Variants in TMEM43 observed in about 807,000 individuals in gnomAD.
The protein encoded by TMEM43 is arrhythmogenic right ventricular dysplasia 5.
TMEM43 carries 45 observed loss-of-function variants against 49.6 expected under a neutral mutation model. The ratio of observed to expected loss-of-function variants is 0.91; its 90% confidence interval spans 0.71 to 1.16. TMEM43 has a LOEUF of 1.16. TMEM43 is among the 50% of genes most tolerant of loss of function. TMEM43 has a pLI of 0.00. For synonymous variants in TMEM43, 199 were observed against 207.8 expected (o/e 0.96, Z 0.36); for missense variants, 532 against 516.6 (o/e 1.03, Z -0.29).
chr3:14,138,490 G>T (rs532743478), intron 10 of TMEM43, among the ~76,000 whole-genome samples: 50 of 152,312 alleles, frequency 3.3e-4, no homozygotes, highest in Non-Finnish European at 6.8e-4. Context: ...ATGTGAGTGG[G>T]TGGGTGGGTG....
Position 14,133,721 on chromosome 3 carries a change from G to C in TMEM43, c.513-18G>C. 6.2e-7 allele frequency: 1 copy of C among 1,613,746 alleles called. No homozygotes were observed. Among genetic ancestry groups the C allele is most frequent in the Non-Finnish European group, 8.5e-7 (1 of 1,179,620 alleles). On this transcript the variant is annotated intron_variant, in intron 6 of 11. Transcript: ENST00000306077. ...CCCACACCGGTGCCCATCTCTGACA[G>C]CTTCCTCTCTCCCACAGTGCCATGG...
intron 11 of TMEM43, 51 bp from the exon 12 acceptor site, chr3:14,141,542 C>G (rs766861749): frequency 7.1e-5 from 109 of 1,527,510 alleles, no homozygotes; most frequent in Non-Finnish European, 9.4e-5. Flanking sequence ...ATCTGCTGAG[C>G]TGGTGAGGTG....
chr3:14,130,128 CCTT>C (rs1416583526), intron 2 of TMEM43, among the ~76,000 whole-genome samples: 1 of 149,146 alleles, frequency 6.7e-6, no homozygotes, highest in Non-Finnish European at 1.5e-5. Flanking sequence ...TTCTTTTTCT[CCTT>C]TTTTTTAATA....
Position 14,133,753 on chromosome 3 carries a change from A to G in TMEM43, c.527A>G (p.Glu176Gly). 1.2e-6 allele frequency: 2 copies of G among 1,614,136 alleles called. No homozygotes were observed. Among genetic ancestry groups the G allele is most frequent in the Non-Finnish European group, 1.7e-6 (2 of 1,179,968 alleles). ...CTCTCCCACAGTGCCATGGCAGTGG[A>G]GTCATTCATGGCAACAGCCCCCTTT... ...GHKNPSAMAVESFMATAPFVQ... is the reference protein window; with the variant it reads ...GHKNPSAMAVGSFMATAPFVQ... The change falls in exon 7 of 12, where the codon GAG (glutamate) becomes GGG (glycine). Residue 176 changes from glutamate to glycine, a missense_variant. Coordinates refer to ENST00000306077, the MANE Select transcript of TMEM43 (RefSeq NM_024334.3).
Position 14,142,577 on chromosome 3 carries a change from CTT to C in TMEM43, c.*783_*784del, listed in dbSNP as rs1233418123. On this transcript the variant is annotated 3_prime_UTR_variant, in exon 12 of 12. Transcript: ENST00000306077. Reference sequence around the variant, plus strand: ...ATTTAAAAACAAAACAAAAAAAACACTTAATATTTCAGACTGTTACAGGAAAC... The same window carrying C: ...ATTTAAAAACAAAACAAAAAAAACACAATATTTCAGACTGTTACAGGAAAC... 3 of 152,582 alleles carry C rather than the reference CTT, an allele frequency of 2.0e-5. No individual in the cohort carries two copies. The highest frequency in any genetic ancestry group is 7.2e-5 in the African/African-American group (3 of 41,442). 9.5% of individuals were successfully genotyped at this position (152,582 alleles called of 1,614,324 possible).
chr3:14,136,876 T>C (rs1695177309), intron 10 of TMEM43, among the ~76,000 whole-genome samples: 1 of 149,208 alleles, frequency 6.7e-6, no homozygotes, highest in Non-Finnish European at 1.5e-5. Flanking sequence ...TTCAGTTCTG[T>C]GCCTTAAAAG....
Position 14,141,492 on chromosome 3 carries a change from T to C in TMEM43, c.1001-101T>C, listed in dbSNP as rs1379374123. The C allele has an allele frequency of 3.5e-6, 4 of 1,129,800 alleles. No individual in the cohort carries two copies. The South Asian group carries it at 3.8e-5, about 11-fold the overall frequency. 70.0% of individuals were successfully genotyped at this position (1,129,800 alleles called of 1,614,324 possible). A position where few individuals can be genotyped will look rare whatever the true frequency, so the allele number is the denominator to read the frequency against. The stretch of plus-strand genomic sequence containing the variant: ...ACTGATCCTCTCCCCTCCTCATGCA[T>C]GTAGCAACATGGGCCCATCCTCATC... On this transcript the variant is annotated intron_variant, in intron 11 of 11. Transcript: ENST00000306077.
In TMEM43 at chr3:14,133,742, C is replaced by G; in HGVS notation, c.516C>G (p.Ala172=). Residue 172 remains alanine (A), a synonymous_variant, in exon 7 of 12, where the codon GCC becomes GCG. Coordinates refer to ENST00000306077, the MANE Select transcript of TMEM43 (RefSeq NM_024334.3). ...DREIGHKNPS[A]MAVESFMATA... is the part of the protein sequence containing the mutation. The stretch of plus-strand genomic sequence containing the variant: ...GACAGCTTCCTCTCTCCCACAGTGC[C>G]ATGGCAGTGGAGTCATTCATGGCAA... 2 of 1,614,150 alleles carry G rather than the reference C, an allele frequency of 1.2e-6. No homozygotes were observed. Among genetic ancestry groups the G allele is most frequent in the Non-Finnish European group, 1.7e-6 (2 of 1,179,982 alleles).
intron 8 of TMEM43, 47 bp downstream of exon 8, chr3:14,134,938 A>G: frequency 6.2e-7 from 1 of 1,613,024 alleles, no homozygotes; most frequent in Non-Finnish European, 8.5e-7. Flanking sequence ...TCAGGGCGCT[A>G]GGATCAGGTT....
rs776568846 is a variant in TMEM43 at position 14,139,348 on chromosome 3, T to G, written c.1000+51T>G. On this transcript the variant is annotated intron_variant, in intron 11 of 11. Coordinates refer to ENST00000306077, the MANE Select transcript of TMEM43 (RefSeq NM_024334.3). Reference sequence around the variant, plus strand: ...CTCCCTCCTGCACCCTGAAAGGGCCTCCTCTGCCTGTCGCATCATCTCAGC... The same window carrying G: ...CTCCCTCCTGCACCCTGAAAGGGCCGCCTCTGCCTGTCGCATCATCTCAGC... 2.3e-6 allele frequency: 3 copies of G among 1,296,552 alleles called. 1 individual carries two copies. The highest frequency in any genetic ancestry group is 2.4e-5 in the South Asian group (2 of 84,808). The allele number at this position is 1,296,552 out of a possible 1,614,324, so 80.3% of individuals were successfully genotyped here. A position where few individuals can be genotyped will look rare whatever the true frequency, so the allele number is the denominator to read the frequency against.
intron 10 of TMEM43, 81 bp from the exon 11 acceptor site, chr3:14,139,099 C>A: frequency 9.9e-7 from 1 of 1,008,354 alleles, no homozygotes; most frequent in Non-Finnish European, 1.6e-6. Flanking sequence ...CGAGTTGGTA[C>A]AGCCCCCTCA....
intron 11 of TMEM43, among the ~76,000 whole-genome samples, 162 bp from the exon 12 acceptor site, chr3:14,141,431 C>T (rs1277711236): frequency 4.6e-5 from 7 of 152,210 alleles, no homozygotes; most frequent in African/African-American, 1.7e-4. Flanking sequence ...CCTGTGCTCC[C>T]TTAGCTTTCA....
In TMEM43 at chr3:14,141,851, T is replaced by A; in HGVS notation, c.*56T>A. The stretch of plus-strand genomic sequence containing the variant: ...TGAGCCCTAGGATCCAGGTCCTCTC[T>A]CACCTCTGACCCAGCTCCATGCCAG... On this transcript the variant is annotated 3_prime_UTR_variant, in exon 12 of 12. Transcript: ENST00000306077. 6.5e-7 allele frequency: 1 copy of A among 1,543,300 alleles called. No individual in the cohort carries two copies.
intron 10 of TMEM43, among the ~76,000 whole-genome samples, chr3:14,138,736 T>TG (rs1202956541): frequency 2.0e-5 from 3 of 152,132 alleles, no homozygotes; most frequent in Admixed American, 1.3e-4. Flanking sequence ...CAGCATCTAA[T>TG]GGACAGGAAG....
Position 14,129,464 on chromosome 3 carries a change from A to G in TMEM43, c.65A>G (p.Gln22Arg). 6.2e-7 allele frequency: 1 copy of G among 1,614,168 alleles called. No homozygotes were observed. The highest frequency in any genetic ancestry group is 1.3e-5 in the African/African-American group (1 of 75,056). ...CATGTCAAAGTTAAAACCAGCTCCC[A>G]GCCAGGCTTCCTGGAACGGCTGAGC... is the stretch of plus-strand genomic sequence containing the variant. ...REHVKVKTSSQPGFLERLSET... is the reference protein window; with the variant it reads ...REHVKVKTSSRPGFLERLSET... Residue 22 changes from glutamine to arginine, a missense_variant, in exon 2 of 12, where the codon CAG (glutamine) becomes CGG (arginine). Gln to Arg is a conservative substitution (Grantham distance 43). Transcript: ENST00000306077.
chr3:14,132,811 C>A, intron 5 of TMEM43, 55 bp from the exon 6 acceptor site: 2 of 1,560,412 alleles, frequency 1.3e-6, no homozygotes, highest in South Asian at 2.2e-5. Flanking sequence ...GCTGGTGGGT[C>A]TCAGCCGCGT....
At chr3:14,135,259 C>T (rs748833130) in intron 9 of TMEM43, 27 bp downstream of exon 9, 1 of 1,594,966 alleles carries the variant, frequency 6.3e-7, no homozygotes, top group East Asian at 2.2e-5. Context: ...GGGGCAGACA[C>T]TAAGTCAGAG....
At chr3:14,125,940 T>C (rs920530611) in intron 1 of TMEM43, among the ~76,000 whole-genome samples, 5 of 152,136 alleles carry the variant, frequency 3.3e-5, no homozygotes, top group Admixed American at 2.0e-4. Flanking sequence ...GCGCTGGGTG[T>C]GGGAGAAGCT....
At chr3:14,139,076 G>C in intron 10 of TMEM43, 104 bp from the exon 11 acceptor site, 1 of 843,198 alleles carries the variant, frequency 1.2e-6, no homozygotes, top group Non-Finnish European at 2.1e-6. Flanking sequence ...GTTCAGAAAT[G>C]GCCAACAGCT....
Sources: gnomAD v4.1 joint callset for allele counts (sites outside exome capture counted in the v4.1 genomes callset) on GRCh38, gnomAD v4.1.1 for gene constraint, MANE v1.5 for transcripts, NCBI Gene and HGNC (gene_info 2026-07-23, HGNC 2026-07-21) for gene names.